The following MAP3K20 variants were observed in gnomAD, a reference collection of about 807,000 sequenced individuals.
MAP3K20 encodes mitogen-activated protein kinase kinase kinase 20.
Under a neutral mutation model 85.7 loss-of-function variants are expected in MAP3K20, and 40 were observed. The ratio of observed to expected loss-of-function variants is 0.47; its 90% CI spans 0.36 to 0.61. The LOEUF is 0.61. Among genes scored for constraint, MAP3K20 ranks in the 20% least tolerant of loss-of-function variants. The pLI, the probability that MAP3K20 is intolerant of heterozygous loss-of-function variation, is 0.00. For missense variants in MAP3K20, 817 were observed against 961.7 expected (o/e 0.85, Z 1.99); for synonymous variants, 325 against 327.7 (o/e 0.99, Z 0.09).
chr2:173,142,199 C>T (rs189714429), intron 2 of MAP3K20, among the ~76,000 whole-genome samples: 28 of 152,210 alleles, frequency 1.8e-4, no homozygotes, highest in African/African-American at 2.2e-4. Context: ...CATGGCTGGG[C>T]GTAGTGGCTC....
intron 2 of MAP3K20, among the ~76,000 whole-genome samples, chr2:173,115,462 A>AT (rs979007675): frequency 2.4e-4 from 37 of 151,990 alleles, no homozygotes; most frequent in Non-Finnish European, 4.7e-4. Flanking sequence ...GGCTAGTGTG[A>AT]TTTTTTTGGG....
chr2:173,143,986 T>G (rs1689050827), intron 2 of MAP3K20, among the ~76,000 whole-genome samples: 1 of 152,050 alleles, frequency 6.6e-6, no homozygotes, highest in Non-Finnish European at 1.5e-5. Context: ...TACAAGACAT[T>G]TCTGAGAGAA....
intron 2 of MAP3K20, among the ~76,000 whole-genome samples, chr2:173,123,411 C>T (rs1025253313): frequency 1.3e-5 from 2 of 152,172 alleles, no homozygotes; most frequent in African/African-American, 4.8e-5. Context: ...TAAGCCATTT[C>T]CTTCTGGGTG....
rs1685438824 is a variant in MAP3K20, at chr2:173,266,836, G to C, written c.*86G>C. 1.6e-6 allele frequency: 2 copies of C among 1,226,448 alleles called. No individual in the cohort carries two copies. The highest frequency in any genetic ancestry group is 3.1e-5 in the African/African-American group (2 of 65,180). 76.0% of individuals were successfully genotyped at this position (1,226,448 alleles called of 1,614,324 possible). A position where few individuals can be genotyped will look rare whatever the true frequency, so the allele number is the denominator to read the frequency against. On this transcript the variant is annotated 3_prime_UTR_variant, in exon 20 of 20. Transcript: ENST00000375213. ...GGTTTTTGATAATATGATCCCTTCA[G>C]ATTGAATTAACGAAAAGACAACACT... is the stretch of plus-strand genomic sequence containing the variant.
intron 19 of MAP3K20, among the ~76,000 whole-genome samples, chr2:173,265,196 G>A (rs575663396): frequency 3.6e-4 from 55 of 152,334 alleles, no homozygotes; most frequent in African/African-American, 1.2e-3. Context: ...CTCTCCACGC[G>A]CACTATCTGC....
intron 12 of MAP3K20, among the ~76,000 whole-genome samples, chr2:173,230,947 G>A (rs1210435550): frequency 2.0e-5 from 3 of 152,064 alleles, no homozygotes; most frequent in African/African-American, 7.2e-5. Context: ...AGTGAGCTGA[G>A]ATCACACCAC....
intron 2 of MAP3K20, among the ~76,000 whole-genome samples, chr2:173,116,471 A>T (rs1016866145): frequency 6.6e-6 from 1 of 152,246 alleles, no homozygotes; most frequent in South Asian, 2.1e-4. Context: ...TGAGTATGTT[A>T]TCTTTGACTG....
At chr2:173,117,524 C>G (rs567059029) in intron 2 of MAP3K20, among the ~76,000 whole-genome samples, 2 of 152,164 alleles carry the variant, frequency 1.3e-5, no homozygotes, top group Non-Finnish European at 1.5e-5. Context: ...GACTGATCTT[C>G]CTGCCTTGAC....
At chr2:173,202,462 A>G (rs776466494) in intron 8 of MAP3K20, among the ~76,000 whole-genome samples, 2 of 152,180 alleles carry the variant, frequency 1.3e-5, no homozygotes, top group Non-Finnish European at 2.9e-5. Context: ...GAACTGTGGA[A>G]TAAGTCTTAA....
chr2:173,129,855 C>G (rs1392988361), intron 2 of MAP3K20, among the ~76,000 whole-genome samples: 8 of 152,000 alleles, frequency 5.3e-5, no homozygotes, highest in Non-Finnish European at 8.8e-5. Context: ...GCCAAACATA[C>G]TATTACAAAA....
At chr2:173,133,531 T>C (rs1465518321) in intron 2 of MAP3K20, among the ~76,000 whole-genome samples, 1 of 152,144 alleles carries the variant, frequency 6.6e-6, no homozygotes, top group African/African-American at 2.4e-5. Flanking sequence ...AGAGCATACC[T>C]TCAGAGAATA....
At chr2:173,188,572 G>T (rs1017755583) in intron 5 of MAP3K20, among the ~76,000 whole-genome samples, 1 of 151,782 alleles carries the variant, frequency 6.6e-6, no homozygotes, top group Non-Finnish European at 1.5e-5. Context: ...ACCCTTGCAC[G>T]TGCCTCAGGA....
intron 2 of MAP3K20, among the ~76,000 whole-genome samples, chr2:173,106,328 T>G (rs1687782513): frequency 6.6e-6 from 1 of 152,236 alleles, no homozygotes; most frequent in Admixed American, 6.5e-5. Context: ...GATAGTGTGG[T>G]ATTTGTGTGT....
intron 15 of MAP3K20, among the ~76,000 whole-genome samples, chr2:173,239,082 A>G (rs562906204): frequency 6.6e-6 from 1 of 152,274 alleles, no homozygotes; most frequent in South Asian, 2.1e-4. Context: ...GAACCTCTGA[A>G]GTTGAAATCT....
rs116613465 is a variant in MAP3K20 at position 173,129,727 on chromosome 2, T to C, written c.159+38537T>C. Among the ~76,000 whole-genome samples the C allele has an allele frequency of 5.3e-3, 801 of 152,324 alleles. 6 individuals are homozygous for C. Among genetic ancestry groups the C allele is most frequent in the African/African-American group, 0.019 (775 of 41,576 alleles). On this transcript the variant is annotated intron_variant, in intron 2 of 19. Transcript: ENST00000375213. Reference sequence around the variant, plus strand: ...ATGGAGGTATTTAGAAATGAAACTTTACCAGATGTTTTATCTATACTTGAC... The same window carrying C: ...ATGGAGGTATTTAGAAATGAAACTTCACCAGATGTTTTATCTATACTTGAC...
intron 11 of MAP3K20, chr2:173,225,100 T>C (rs1203114033): frequency 3.1e-6 from 3 of 981,288 alleles, no homozygotes; most frequent in Non-Finnish European, 3.6e-6. Flanking sequence ...TTTTCTTAAT[T>C]CATAAAGTTA....
intron 14 of MAP3K20, among the ~76,000 whole-genome samples, chr2:173,234,842 T>C (rs6717152): frequency 0.99 from 151,058 of 152,322 alleles, 74,920 homozygotes; most frequent in Middle Eastern, 1. Flanking sequence ...GACCAGCTGT[T>C]GGGAGTATTG....
chr2:173,261,309 G>A (rs764545280), intron 18 of MAP3K20, among the ~76,000 whole-genome samples, 172 bp downstream of exon 18: 2 of 152,148 alleles, frequency 1.3e-5, no homozygotes, highest in Non-Finnish European at 2.9e-5. Flanking sequence ...CTCTCACAAC[G>A]TGTTGGGAAG....
chr2:173,264,651 C>T (rs193087750), intron 19 of MAP3K20, among the ~76,000 whole-genome samples: 3 of 152,250 alleles, frequency 2.0e-5, no homozygotes, highest in African/African-American at 4.8e-5. Context: ...TCAACTCTCC[C>T]GATCACGTGG....
Sources: gnomAD v4.1 joint callset for allele counts (sites outside exome capture counted in the v4.1 genomes callset) on GRCh38, gnomAD v4.1.1 for gene constraint, MANE v1.5 for transcripts, NCBI Gene and HGNC (gene_info 2026-07-23, HGNC 2026-07-21) for gene names.